MCF2L2: variants seen among roughly 807,000 people sequenced by gnomAD.
MCF2L2 encodes the protein probable guanine nucleotide exchange factor MCF2L2.
MCF2L2 carries 102 observed loss-of-function variants against 150.2 expected under a neutral mutation model. The ratio of observed to expected loss-of-function variants is 0.68; its 90% confidence interval spans 0.58 to 0.80. The LOEUF is 0.80. Ranked by LOEUF, MCF2L2 falls within the 30% of genes least tolerant of loss-of-function variation. The pLI, the probability that MCF2L2 is intolerant of heterozygous loss-of-function variation, is 0.00. For missense variants in MCF2L2, 1,256 were observed against 1,372.8 expected, an observed-to-expected ratio of 0.91 and a Z score of 1.34; for synonymous variants, 465 against 491.3, an observed-to-expected ratio of 0.95 and a Z score of 0.71.
Position 183,379,364 on chromosome 3 carries a change from A to T in MCF2L2, c.208T>A (p.Ser70Thr). The change falls in exon 3 of 30, where the codon TCG becomes ACG. Residue 70 changes from serine (S) to threonine (T), a missense_variant. Transcript: ENST00000328913. ...GAPIITFPEF[S>T]GFKHIPDEDF... Reference sequence around the variant, plus strand: ...TCATCTGGGATGTGTTTGAACCCCGAAAACTCTGGGAACGTGATGATGGGG... The same window carrying T: ...TCATCTGGGATGTGTTTGAACCCCGTAAACTCTGGGAACGTGATGATGGGG... 1 of 1,611,058 alleles carries T rather than the reference A, an allele frequency of 6.2e-7. No individual in the cohort carries two copies. Among genetic ancestry groups the T allele is most frequent in the Non-Finnish European group, 8.5e-7 (1 of 1,178,800 alleles).
At chr3:183,190,425 C>T (rs1010842515) in intron 27 of MCF2L2, among the ~76,000 whole-genome samples, 1 of 152,230 alleles carries the variant, frequency 6.6e-6, no homozygotes, top group Non-Finnish European at 1.5e-5. Flanking sequence ...TCCCCAGAAG[C>T]AGATTATGCA....
At chr3:183,187,548 A>C (rs1480467833) in intron 27 of MCF2L2, among the ~76,000 whole-genome samples, 1 of 152,140 alleles carries the variant, frequency 6.6e-6, no homozygotes, top group Non-Finnish European at 1.5e-5. Flanking sequence ...AGCTCACTGC[A>C]ACCTCCGCTT....
chr3:183,372,176 T>C (rs1038037810), intron 3 of MCF2L2: 6 of 152,120 alleles, frequency 3.9e-5, no homozygotes, highest in Admixed American at 6.5e-5. Flanking sequence ...GAGGCCCAGA[T>C]TGCACTCACT....
intron 3 of MCF2L2, among the ~76,000 whole-genome samples, chr3:183,347,331 G>A (rs1016336435): frequency 3.3e-5 from 5 of 152,186 alleles, no homozygotes; most frequent in African/African-American, 1.2e-4. Context: ...AATAAATGGT[G>A]TTGGGAAAAC....
At chr3:183,424,086 T>C (rs1030257783) in intron 1 of MCF2L2, among the ~76,000 whole-genome samples, 2 of 152,122 alleles carry the variant, frequency 1.3e-5, no homozygotes, top group Non-Finnish European at 2.9e-5. Flanking sequence ...TACAGCAAAT[T>C]TGCAGATATT....
At chr3:183,335,246 G>A (rs956101931) in intron 5 of MCF2L2, among the ~76,000 whole-genome samples, 4 of 151,808 alleles carry the variant, frequency 2.6e-5, no homozygotes, top group African/African-American at 7.3e-5. Context: ...CATATATCTT[G>A]TATATATGTA....
chr3:183,230,587 T>G (rs147867903), intron 16 of MCF2L2, among the ~76,000 whole-genome samples: 99 of 152,282 alleles, frequency 6.5e-4, no homozygotes, highest in African/African-American at 2.3e-3. Context: ...CTTAGGAAAA[T>G]AGGGAAAACA....
intron 10 of MCF2L2, among the ~76,000 whole-genome samples, chr3:183,300,978 G>C (rs902204055): frequency 1.5e-5 from 2 of 133,476 alleles, no homozygotes; most frequent in African/African-American, 5.7e-5. Context: ...TTGCGCCACT[G>C]CACTCCAGCC....
intron 15 of MCF2L2, among the ~76,000 whole-genome samples, chr3:183,250,359 G>A (rs1724459917): frequency 6.6e-6 from 1 of 152,142 alleles, no homozygotes; most frequent in Non-Finnish European, 1.5e-5. Context: ...GCCGAGGCGG[G>A]CGGATCACTT....
intron 23 of MCF2L2, 36 bp downstream of exon 23, chr3:183,207,572 T>A: frequency 6.7e-7 from 1 of 1,495,282 alleles, no homozygotes; most frequent in Non-Finnish European, 9.3e-7. Context: ...CTTTTCTGCA[T>A]AGGGCGACTC....
chr3:183,415,172 T>C (rs1455248428), intron 1 of MCF2L2, among the ~76,000 whole-genome samples: 1 of 151,528 alleles, frequency 6.6e-6, no homozygotes, highest in Non-Finnish European at 1.5e-5. Flanking sequence ...AACTATTATG[T>C]TTAATAGTTG....
intron 21 of MCF2L2, among the ~76,000 whole-genome samples, chr3:183,217,294 CAA>C (rs35973262): frequency 0.022 from 335 of 15,156 alleles, no homozygotes; most frequent in African/African-American, 0.075. Flanking sequence ...AACCCCGTCT[CAA>C]AAAAAAAAAA....
intron 2 of MCF2L2, among the ~76,000 whole-genome samples, chr3:183,381,809 T>C (rs1311696213): frequency 6.6e-6 from 1 of 152,238 alleles, no homozygotes; most frequent in South Asian, 2.1e-4. Context: ...CAGTGACTGA[T>C]GAGGATATTA....
At chr3:183,238,234 T>C (rs1417899984) in intron 15 of MCF2L2, among the ~76,000 whole-genome samples, 1 of 148,280 alleles carries the variant, frequency 6.7e-6, no homozygotes, top group Non-Finnish European at 1.5e-5. Context: ...TATGAGATTT[T>C]TTTTGCGATT....
chr3:183,364,347 G>T (rs897415748), intron 3 of MCF2L2, among the ~76,000 whole-genome samples: 60 of 151,040 alleles, frequency 4.0e-4, no homozygotes, highest in Admixed American at 2.3e-3. Flanking sequence ...AAACCCCGTC[G>T]CTACTAAAAA....
intron 14 of MCF2L2, among the ~76,000 whole-genome samples, chr3:183,285,196 T>C (rs1262393824): frequency 6.6e-6 from 1 of 152,186 alleles, no homozygotes; most frequent in African/African-American, 2.4e-5. Flanking sequence ...GGAACTAAAA[T>C]TCACCAAGAT....
At chr3:183,231,088 C>A in intron 15 of MCF2L2, 71 bp from the exon 16 acceptor site, 1 of 1,153,546 alleles carries the variant, frequency 8.7e-7, no homozygotes, top group Non-Finnish European at 1.3e-6. Context: ...TTTTAGAATT[C>A]TGTTAGAATA....
intron 3 of MCF2L2, among the ~76,000 whole-genome samples, chr3:183,356,501 G>A (rs983600141): frequency 6.6e-6 from 1 of 152,128 alleles, no homozygotes; most frequent in Non-Finnish European, 1.5e-5. Flanking sequence ...AACAGAGCAA[G>A]ACTCCGTCTC....
chr3:183,317,531 G>A (rs1470065545), intron 7 of MCF2L2, among the ~76,000 whole-genome samples: 1 of 152,136 alleles, frequency 6.6e-6, no homozygotes, highest in Non-Finnish European at 1.5e-5. Flanking sequence ...AGGACAGGGT[G>A]CCTTCCGTAG....
Sources: allele counts gnomAD v4.1 joint callset (sites outside exome capture counted in the v4.1 genomes callset), GRCh38; gene constraint gnomAD v4.1.1; transcripts MANE v1.5; gene names NCBI Gene and HGNC (gene_info 2026-07-23, HGNC 2026-07-21).